Variants in SPTBN1 observed in about 807,000 individuals in gnomAD.
SPTBN1 encodes the protein spectrin beta chain, non-erythrocytic 1.
In SPTBN1, 32 loss-of-function variants were observed where a neutral mutation model predicts 266.4. That is an observed-to-expected ratio of 0.12 (90% confidence interval 0.09 to 0.16). SPTBN1 has a LOEUF of 0.16. Ranked by LOEUF, SPTBN1 falls within the 10% of genes least tolerant of loss-of-function variation. SPTBN1 has a pLI of 1.00. For synonymous variants in SPTBN1, 1,336 were observed against 1,162.2 expected (o/e 1.15, Z -3.04); for missense variants, 2,296 against 3,067.1 (o/e 0.75, Z 5.94).
intron 2 of SPTBN1, among the ~76,000 whole-genome samples, chr2:54,580,335 C>G (rs1331151100): frequency 2.0e-5 from 3 of 152,162 alleles, no homozygotes; most frequent in Admixed American, 1.3e-4. Flanking sequence ...TAAAAAGCAT[C>G]TGAAACTTTT....
intron 2 of SPTBN1, chr2:54,527,693 C>T (rs1025718464): frequency 2.6e-5 from 4 of 152,210 alleles, no homozygotes; most frequent in African/African-American, 9.7e-5. Flanking sequence ...AGATGGCTGC[C>T]CCAGGTCCCT....
intron 2 of SPTBN1, among the ~76,000 whole-genome samples, chr2:54,539,700 C>T (rs1223234128): frequency 2.0e-5 from 3 of 152,102 alleles, no homozygotes; most frequent in Admixed American, 2.0e-4. Flanking sequence ...CCACCATGCC[C>T]AGCTAATTTT....
intron 1 of SPTBN1, among the ~76,000 whole-genome samples, chr2:54,485,172 C>T (rs1573244396): frequency 6.6e-6 from 1 of 151,786 alleles, no homozygotes; most frequent in Non-Finnish European, 1.5e-5. Context: ...CCCTCTCCCT[C>T]CGTCTCCCTC....
intron 1 of SPTBN1, among the ~76,000 whole-genome samples, chr2:54,503,703 T>TGG (rs1669397675): frequency 2.6e-5 from 4 of 152,152 alleles, no homozygotes; most frequent in Admixed American, 2.6e-4. Context: ...ATATACCCAT[T>TGG]GCCAAAAAGC....
chr2:54,478,963 G>A (rs1318910402), intron 1 of SPTBN1, among the ~76,000 whole-genome samples: 1 of 152,144 alleles, frequency 6.6e-6, no homozygotes, highest in African/African-American at 2.4e-5. Context: ...AGCCCATTGT[G>A]TATGGAACTA....
At chr2:54,589,321 C>G (rs1675510443) in intron 2 of SPTBN1, among the ~76,000 whole-genome samples, 1 of 152,138 alleles carries the variant, frequency 6.6e-6, no homozygotes, top group Admixed American at 6.5e-5. Context: ...GTGACAGAGC[C>G]TCATTTCTCA....
At chr2:54,586,103 T>C (rs1265918306) in intron 2 of SPTBN1, among the ~76,000 whole-genome samples, 1 of 152,232 alleles carries the variant, frequency 6.6e-6, no homozygotes. Context: ...TTTTTGATCT[T>C]GTCACAGTTG....
In SPTBN1 at chr2:54,559,405, G is replaced by T. The variant is rs535911885; in HGVS notation, c.148+32839G>T. Among the ~76,000 whole-genome samples, 9 of 152,302 alleles carry T rather than the reference G, an allele frequency of 5.9e-5. No individual in the cohort carries two copies. The South Asian group carries it at 1.7e-3, about 28-fold the overall frequency. ...AGCTTAATTTTAATTTTTCTGATGT[G>T]TTGGGAAGAGCCTTCCCATCTATTT... On this transcript the variant is annotated intron_variant, in intron 2 of 35. Coordinates refer to ENST00000356805, the MANE Select transcript of SPTBN1 (RefSeq NM_003128.3).
chr2:54,462,273 A>G (rs567555402), intron 1 of SPTBN1, among the ~76,000 whole-genome samples: 1 of 152,318 alleles, frequency 6.6e-6, no homozygotes, highest in South Asian at 2.1e-4. Context: ...CTTTGCAAAA[A>G]CTACCTAAAC....
At chr2:54,586,058 G>T (rs1329010885) in intron 2 of SPTBN1, among the ~76,000 whole-genome samples, 1 of 152,144 alleles carries the variant, frequency 6.6e-6, no homozygotes, top group Non-Finnish European at 1.5e-5. Context: ...TCTAAATCAG[G>T]GAGGGGCTTG....
At chr2:54,572,675 A>G (rs79743830) in intron 2 of SPTBN1, among the ~76,000 whole-genome samples, 5 of 152,174 alleles carry the variant, frequency 3.3e-5, no homozygotes, top group African/African-American at 4.8e-5. Context: ...TTCCTCTACA[A>G]ATATACATAT....
intron 17 of SPTBN1, among the ~76,000 whole-genome samples, chr2:54,633,024 G>T (rs867625904): frequency 6.6e-6 from 1 of 151,380 alleles, no homozygotes; most frequent in South Asian, 2.1e-4. Flanking sequence ...ATTCTTAACC[G>T]AGGACCTGTA....
At chr2:54,496,407 C>T (rs1668970628) in intron 1 of SPTBN1, among the ~76,000 whole-genome samples, 1 of 145,008 alleles carries the variant, frequency 6.9e-6, no homozygotes, top group African/African-American at 2.6e-5. Context: ...CACTGCACTC[C>T]AGCCTGGGCG....
At chr2:54,590,600 G>A (rs1170987852) in intron 2 of SPTBN1, among the ~76,000 whole-genome samples, 1 of 152,210 alleles carries the variant, frequency 6.6e-6, no homozygotes, top group Non-Finnish European at 1.5e-5. Context: ...ATAGGAGAGG[G>A]CCTCTTGGTA....
intron 1 of SPTBN1, among the ~76,000 whole-genome samples, chr2:54,463,643 G>A (rs1316631214): frequency 1.3e-5 from 2 of 152,206 alleles, no homozygotes; most frequent in African/African-American, 2.4e-5. Context: ...AGGTAATTCA[G>A]CGCTTATCAC....
At chr2:54,551,822 T>C (rs528141578) in intron 2 of SPTBN1, among the ~76,000 whole-genome samples, 18 of 152,226 alleles carry the variant, frequency 1.2e-4, no homozygotes, top group Non-Finnish European at 1.8e-4. Context: ...ATATCTTTTG[T>C]CCTCTCTTTT....
At position 54,645,352 on chromosome 2, in the gene SPTBN1, A is replaced by T. The variant is rs1427602033; in HGVS notation, c.4393A>T (p.Thr1465Ser). Residue 1465 changes from threonine (T) to serine (S), a missense_variant, in exon 21 of 36, where the codon ACC becomes TCC. By Grantham distance (58) the Thr-to-Ser change is moderately conservative (BLOSUM62 1). Transcript: ENST00000356805. The surrounding 1 kb of genome is among the most constrained non-coding windows in gnomAD (Gnocchi z 4.3). Reference protein sequence around the residue: ...EVDSKRLTVQTKFMELLEPLN... With the variant: ...EVDSKRLTVQSKFMELLEPLN... ...AGACAGCAAGCGCCTCACCGTGCAGACCAAGTTCATGGAGTTGCTGGAGCC... is the reference window on the plus strand; with the variant it reads ...AGACAGCAAGCGCCTCACCGTGCAGTCCAAGTTCATGGAGTTGCTGGAGCC... 1 of 1,614,212 alleles carries T rather than the reference A, an allele frequency of 6.2e-7. No homozygotes were observed. The highest frequency in any genetic ancestry group is 2.2e-5 in the East Asian group (1 of 44,878).
At chr2:54,551,935 G>A (rs946571928) in intron 2 of SPTBN1, among the ~76,000 whole-genome samples, 1 of 152,044 alleles carries the variant, frequency 6.6e-6, no homozygotes, top group Non-Finnish European at 1.5e-5. Flanking sequence ...TTGTTTCATA[G>A]TAAGTATTGT....
chr2:54,544,267 G>A (rs544299913), intron 2 of SPTBN1, among the ~76,000 whole-genome samples: 194 of 152,204 alleles, frequency 1.3e-3, no homozygotes, highest in Non-Finnish European at 2.5e-3. Flanking sequence ...TCTTTGACCT[G>A]CCTTTTCCAA....
Sources: allele counts gnomAD v4.1 joint callset (sites outside exome capture counted in the v4.1 genomes callset), GRCh38; gene constraint gnomAD v4.1.1; non-coding constraint Gnocchi (gnomAD v3.1); transcripts MANE v1.5; gene names NCBI Gene and HGNC (gene_info 2026-07-23, HGNC 2026-07-21).